The following IGHMBP2 variants were observed in gnomAD, a reference collection of about 807,000 sequenced individuals.
IGHMBP2 encodes the protein DNA-binding protein SMUBP-2.
IGHMBP2 carries 81 observed loss-of-function variants against 96.0 expected under a neutral mutation model. The ratio of observed to expected loss-of-function variants is 0.84; its 90% CI spans 0.71 to 1.01. The LOEUF (loss-of-function observed/expected upper bound fraction) is 1.01, where lower values mean the gene tolerates loss of function less well. IGHMBP2 is among the 50% of genes least tolerant of loss of function. The probability of loss-of-function intolerance (pLI) is 0.00; values close to 1 mark genes in which losing one functional copy is unlikely to be tolerated. For synonymous variants in IGHMBP2, 557 were observed against 548.9 expected (o/e 1.01, Z -0.21); for missense variants, 1,227 against 1,306.3 (o/e 0.94, Z 0.94).
chr11:68,932,356 G>A (rs1470724576), intron 8 of IGHMBP2: 2 of 152,354 alleles, frequency 1.3e-5, no homozygotes, highest in East Asian at 3.8e-4. Context: ...CTCTGAAGTG[G>A]AGCTGGGTAC....
chr11:68,921,624 G>T (rs1858881044), intron 7 of IGHMBP2, among the ~76,000 whole-genome samples: 1 of 152,144 alleles, frequency 6.6e-6, no homozygotes. Context: ...TACAATGCTT[G>T]TTCTTGTTTT....
At chr11:68,929,893 C>T (rs1395423255) in intron 8 of IGHMBP2, 1 of 975,856 alleles carries the variant, frequency 1.0e-6, no homozygotes, top group Admixed American at 6.2e-5. Flanking sequence ...CTGGCCCAGG[C>T]TGTCCTGGTG....
intron 7 of IGHMBP2, among the ~76,000 whole-genome samples, chr11:68,923,213 G>GT (rs918282122): frequency 5.3e-5 from 8 of 150,628 alleles, no homozygotes; most frequent in Non-Finnish European, 8.9e-5. Flanking sequence ...TTTTTGTTTT[G>GT]TTTTTTTGAG....
At chr11:68,937,978 T>C in intron 13 of IGHMBP2, 1 of 618,160 alleles carries the variant, frequency 1.6e-6, no homozygotes, top group South Asian at 1.9e-5. Flanking sequence ...TTAGAATTAA[T>C]AGAGACGGGG....
chr11:68,933,409 T>C lies in IGHMBP2; in HGVS notation c.1346T>C (p.Met449Thr), dbSNP rs1447565336. The C allele has an allele frequency of 4.3e-6, 7 of 1,613,296 alleles. No individual in the cohort carries two copies. In the South Asian group the frequency reaches 4.4e-5, roughly 10 times the overall value. Residue 449 changes from methionine to threonine, a missense_variant, in exon 9 of 15, where the codon ATG becomes ACG. By Grantham distance (81) the Met-to-Thr change is moderately conservative. Transcript: ENST00000255078. ...TVQYRMHQAI[M>T]RWASDTMYLG... ...CAGTACCGCATGCACCAGGCTATCA[T>C]GCGCTGGGCCTCAGACACCATGTAC...
intron 10 of IGHMBP2, 50 bp downstream of exon 10, chr11:68,933,963 C>T (rs987164176): frequency 8.0e-7 from 1 of 1,254,472 alleles, no homozygotes; most frequent in South Asian, 1.3e-5. Context: ...ATACCTCCAG[C>T]TCTTTAAAAA....
At chr11:68,931,097 C>G (rs1859279476) in intron 8 of IGHMBP2, among the ~76,000 whole-genome samples, 1 of 152,216 alleles carries the variant, frequency 6.6e-6, no homozygotes, top group South Asian at 2.1e-4. Flanking sequence ...TGGCCTTCCA[C>G]TGTCCCCTTC....
Position 68,933,791 on chromosome 11 carries a change from C to T in IGHMBP2, c.1419-4C>T, listed in dbSNP as rs370038097. Reference sequence around the variant, plus strand: ...GATGTGCTCCCTCTCTGCCTGTGTGCCAGGGACCTCCCAGGTGTGGCTGCC... The same window carrying T: ...GATGTGCTCCCTCTCTGCCTGTGTGTCAGGGACCTCCCAGGTGTGGCTGCC... On this transcript the variant is annotated splice_polypyrimidine_tract_variant and splice_region_variant and intron_variant, in intron 9 of 14. Coordinates refer to ENST00000255078, the MANE Select transcript of IGHMBP2 (RefSeq NM_002180.3). 3 of 1,608,300 alleles carry T rather than the reference C, an allele frequency of 1.9e-6. No individual in the cohort carries two copies. The highest frequency in any genetic ancestry group is 2.6e-6 in the Non-Finnish European group (3 of 1,175,732).
intron 6 of IGHMBP2, among the ~76,000 whole-genome samples, chr11:68,915,249 G>A (rs537520220): frequency 7.6e-6 from 1 of 131,500 alleles, no homozygotes; most frequent in African/African-American, 3.0e-5. Context: ...GTGCAATCTC[G>A]GCTCACTGCA....
chr11:68,939,025 G>A (rs577033295), intron 14 of IGHMBP2, among the ~76,000 whole-genome samples: 1 of 152,250 alleles, frequency 6.6e-6, no homozygotes, highest in East Asian at 1.9e-4. Context: ...GGACAGGGCC[G>A]ATGGCGGGTG....
At chr11:68,911,309 G>T in intron 4 of IGHMBP2, 131 bp from the exon 5 acceptor site, 1 of 822,666 alleles carries the variant, frequency 1.2e-6, no homozygotes, top group Non-Finnish European at 2.0e-6. Context: ...GTGTTGATTG[G>T]GTTGCCCCTG....
intron 7 of IGHMBP2, among the ~76,000 whole-genome samples, chr11:68,923,212 TG>T (rs1479893508): frequency 1.3e-5 from 2 of 152,154 alleles, no homozygotes; most frequent in East Asian, 3.9e-4. Flanking sequence ...TTTTTTGTTT[TG>T]TTTTTTTGAG....
At chr11:68,912,155 C>T (rs868140247) in intron 5 of IGHMBP2, among the ~76,000 whole-genome samples, 4 of 152,188 alleles carry the variant, frequency 2.6e-5, no homozygotes, top group Admixed American at 2.6e-4. Context: ...GACGGAGCCT[C>T]ACTCTGTCAC....
chr11:68,935,439 A>G lies in IGHMBP2; in HGVS notation c.1756+17A>G, dbSNP rs757390726. ...ACAGGAAAGGTACGGAGCCCTCGCCAGAGTCCTTTGGGGACAGCACAGAAG... is the reference window on the plus strand; with the variant it reads ...ACAGGAAAGGTACGGAGCCCTCGCCGGAGTCCTTTGGGGACAGCACAGAAG... On this transcript the variant is annotated intron_variant, in intron 12 of 14. Coordinates refer to ENST00000255078, the MANE Select transcript of IGHMBP2 (RefSeq NM_002180.3). 3.7e-6 allele frequency: 6 copies of G among 1,613,690 alleles called. No individual in the cohort carries two copies. Among genetic ancestry groups the G allele is most frequent in the Non-Finnish European group, 5.1e-6 (6 of 1,179,988 alleles).
rs373408947 is a variant in IGHMBP2 at position 68,939,571 on chromosome 11, G to A, written c.2822G>A (p.Arg941Gln). 12 of 1,612,682 alleles carry A rather than the reference G, an allele frequency of 7.4e-6. No homozygotes were observed. The highest frequency in any genetic ancestry group is 1.3e-5 in the African/African-American group (1 of 74,920). Residue 941 changes from arginine (R) to glutamine (Q), a missense_variant, in exon 15 of 15, where the codon CGG (arginine) becomes CAG (glutamine). Coordinates refer to ENST00000255078, the MANE Select transcript of IGHMBP2 (RefSeq NM_002180.3). ...GGTGAGAGGGCTCGCGCCCATGCCC[G>A]GCAGAGAATCAGCCGGGAAGGGGTC... ...GCGERARAHA[R>Q]QRISREGVLY...
intron 4 of IGHMBP2, among the ~76,000 whole-genome samples, chr11:68,908,882 C>T (rs1385627288): frequency 6.8e-6 from 1 of 148,078 alleles, no homozygotes; most frequent in East Asian, 2.0e-4. Flanking sequence ...GCTCTGTTGC[C>T]CAGGCTGGAG....
intron 8 of IGHMBP2, chr11:68,930,486 A>T (rs1859248449): frequency 7.9e-7 from 1 of 1,271,692 alleles, no homozygotes; most frequent in African/African-American, 1.5e-5. Context: ...CTTTGGGAGG[A>T]AGATGTTGGA....
At chr11:68,926,306 C>T (rs1285332873) in intron 7 of IGHMBP2, 1 of 135,338 alleles carries the variant, frequency 7.4e-6, no homozygotes, top group Non-Finnish European at 1.5e-5. Context: ...GAGTCTCGCT[C>T]TATCGCCAGA....
At chr11:68,924,542 C>T (rs1858994788) in intron 7 of IGHMBP2, among the ~76,000 whole-genome samples, 2 of 152,244 alleles carry the variant, frequency 1.3e-5, no homozygotes, top group East Asian at 1.9e-4. Context: ...TTTCTTCAGG[C>T]TCACGTGGTT....
Sources: allele counts gnomAD v4.1 joint callset (sites outside exome capture counted in the v4.1 genomes callset), GRCh38; gene constraint gnomAD v4.1.1; transcripts MANE v1.5; gene names NCBI Gene and HGNC (gene_info 2026-07-23, HGNC 2026-07-21).